Variants in ACOD1 observed in about 807,000 individuals in gnomAD.
ACOD1 encodes cis-aconitate decarboxylase.
A neutral mutation model predicts 14.2 loss-of-function variants in ACOD1; 14 were observed. That is an observed-to-expected ratio of 0.99 (90% confidence interval 0.65 to 1.54). The LOEUF (loss-of-function observed/expected upper bound fraction) is 1.54, where lower values mean the gene tolerates loss of function less well. Ranked by LOEUF, ACOD1 falls within the 40% of genes most tolerant of loss-of-function variation. The probability of loss-of-function intolerance (pLI) is 0.00; values close to 1 mark genes in which losing one functional copy is unlikely to be tolerated. For missense variants in ACOD1, 530 were observed against 586.3 expected, an observed-to-expected ratio of 0.90 and a Z score of 0.99; for synonymous variants, 182 against 221.7, an observed-to-expected ratio of 0.82 and a Z score of 1.59.
intron 3 of ACOD1, 140 bp downstream of exon 3, chr13:76,953,829 TCTC>T: frequency 1.7e-6 from 1 of 600,052 alleles, no homozygotes; most frequent in Non-Finnish European, 3.0e-6. Flanking sequence ...GCTTACCCTC[TCTC>T]CTATGTAGTA....
chr13:76,955,110 G>A (rs1373721493), intron 3 of ACOD1, among the ~76,000 whole-genome samples: 4 of 118,524 alleles, frequency 3.4e-5, no homozygotes, highest in Non-Finnish European at 4.7e-5. Context: ...CTAGGTGACA[G>A]AGCAAGACTC....
At position 76,957,572 on chromosome 13, in the gene ACOD1, G is replaced by T; in HGVS notation, c.1033G>T (p.Gly345Cys). 6.4e-7 allele frequency: 1 copy of T among 1,550,614 alleles called. No homozygotes were observed. Among genetic ancestry groups the T allele is most frequent in the African/African-American group, 1.4e-5 (1 of 73,162 alleles). The change falls in exon 5 of 5, where the codon GGT (glycine) becomes TGT (cysteine). Residue 345 changes from glycine to cysteine, a missense_variant. Physicochemically the swap from Gly to Cys is radical, Grantham distance 159. Coordinates refer to ENST00000377462, the MANE Select transcript of ACOD1 (RefSeq NM_001258406.2). ...TGTGGCCTGTGCCATGCTGCTTGAT[G>T]GTGGCATCACTGTCCCCTCATTCCA... Reference protein sequence around the residue: ...QYVACAMLLDGGITVPSFHEC... With the variant: ...QYVACAMLLDCGITVPSFHEC...
chr13:76,953,570 C>T (rs1237296816), intron 2 of ACOD1, 30 bp from the exon 3 acceptor site: 20 of 1,292,372 alleles, frequency 1.5e-5, no homozygotes, highest in Non-Finnish European at 2.1e-5. Context: ...TGTATTCACA[C>T]TATCACTGGT....
At chr13:76,954,999 C>T (rs1256402407) in intron 3 of ACOD1, among the ~76,000 whole-genome samples, 1 of 151,202 alleles carries the variant, frequency 6.6e-6, no homozygotes, top group Non-Finnish European at 1.5e-5. Flanking sequence ...CGGTGGTGGG[C>T]ACCTGTTATC....
chr13:76,952,419 G>A (rs2137745755), intron 1 of ACOD1, 70 bp from the exon 2 acceptor site: 5 of 1,359,914 alleles, frequency 3.7e-6, no homozygotes, highest in Non-Finnish European at 4.9e-6. Flanking sequence ...GTGCCTCAAG[G>A]TGTCTTATAG....
Position 76,957,420 on chromosome 13 carries a change from T to C in ACOD1, c.881T>C (p.Leu294Pro). 2 of 1,550,648 alleles carry C rather than the reference T, an allele frequency of 1.3e-6. No homozygotes were observed. Among genetic ancestry groups the C allele is most frequent in the Non-Finnish European group, 1.7e-6 (2 of 1,146,994 alleles). Residue 294 changes from leucine (L) to proline (P), a missense_variant, in exon 5 of 5, where the codon CTT (leucine) becomes CCT (proline). Coordinates refer to ENST00000377462, the MANE Select transcript of ACOD1 (RefSeq NM_001258406.2). ...ADAAASVRKH[L>P]VAERALLPTD... ...GCAGCTGCATCTGTGAGAAAGCACC[T>C]TGTAGCAGAGAGAGCCCTGCTTCCA...
rs1275651409 is a variant in ACOD1 at position 76,958,007 on chromosome 13, CTT to C, written c.*24_*25del. 1 of 1,478,110 alleles carries C rather than the reference CTT, an allele frequency of 6.8e-7. No homozygotes were observed. The highest frequency in any genetic ancestry group is 1.4e-5 in the African/African-American group (1 of 70,400). The allele number at this position is 1,478,110 out of a possible 1,614,324, so 91.6% of individuals were successfully genotyped here. On this transcript the variant is annotated 3_prime_UTR_variant, in exon 5 of 5. Coordinates refer to ENST00000377462, the MANE Select transcript of ACOD1 (RefSeq NM_001258406.2). ...CTGAGGCTTACCAACATCTAAATGACTTTGCATTTGGGGAGATTCAATGATTT... is the reference window on the plus strand; with the variant it reads ...CTGAGGCTTACCAACATCTAAATGACTGCATTTGGGGAGATTCAATGATTT...
intron 3 of ACOD1, 58 bp downstream of exon 3, chr13:76,953,747 G>C: frequency 1.8e-6 from 2 of 1,090,120 alleles, no homozygotes; most frequent in South Asian, 1.4e-5. Flanking sequence ...TTTAGAGTCA[G>C]GAAATATCTC....
chr13:76,955,195 A>G, intron 3 of ACOD1, 124 bp from the exon 4 acceptor site: 1 of 648,508 alleles, frequency 1.5e-6, no homozygotes, highest in South Asian at 2.4e-5. Flanking sequence ...TTTTCTGAGA[A>G]TCAGATCAAA....
intron 1 of ACOD1, among the ~76,000 whole-genome samples, chr13:76,950,565 C>T (rs1425677060): frequency 2.0e-5 from 3 of 152,166 alleles, no homozygotes; most frequent in South Asian, 2.1e-4. Flanking sequence ...GGGATGAACA[C>T]AGACACTTCA....
intron 1 of ACOD1, among the ~76,000 whole-genome samples, chr13:76,950,175 C>A (rs1431894519): frequency 6.6e-6 from 1 of 152,182 alleles, no homozygotes; most frequent in Non-Finnish European, 1.5e-5. Context: ...AGCTCAGTAT[C>A]AAAGAACCCC....
intron 1 of ACOD1, among the ~76,000 whole-genome samples, chr13:76,950,918 C>T (rs761482300): frequency 1.3e-5 from 2 of 152,162 alleles, no homozygotes; most frequent in African/African-American, 4.8e-5. Context: ...GCATGCAACT[C>T]CACAGCTGAA....
chr13:76,955,201 T>A, intron 3 of ACOD1, 118 bp from the exon 4 acceptor site: 1 of 606,786 alleles, frequency 1.6e-6, no homozygotes, highest in Non-Finnish European at 2.7e-6. Flanking sequence ...GAGAATCAGA[T>A]CAAAAGAATC....
intron 4 of ACOD1, 33 bp from the exon 5 acceptor site, chr13:76,956,977 G>A: frequency 6.6e-7 from 1 of 1,521,486 alleles, no homozygotes; most frequent in Non-Finnish European, 8.8e-7. Context: ...GTTACGGTTT[G>A]TACATCTCCA....
chr13:76,957,031 A>T lies in ACOD1; in HGVS notation c.492A>T (p.Val164=), dbSNP rs2033883323. The T allele has an allele frequency of 1.3e-6, 2 of 1,548,764 alleles. No homozygotes were observed. Among genetic ancestry groups the T allele is most frequent in the South Asian group, 2.4e-5 (2 of 83,840 alleles). ...TCAGATTCCATCCCCCTTCCGTGGT[A>T]GGAACGTTGGGTAGTGCTGCTGCTG... ...MPKRFHPPSV[V]GTLGSAAAAS... The change falls in exon 5 of 5, where the codon GTA becomes GTT. Residue 164 remains valine, a synonymous_variant. Transcript: ENST00000377462.
intron 1 of ACOD1, among the ~76,000 whole-genome samples, chr13:76,950,508 T>C (rs2033811796): frequency 6.6e-6 from 1 of 152,186 alleles, no homozygotes; most frequent in Non-Finnish European, 1.5e-5. Flanking sequence ...ATCTTACATG[T>C]TTTTCTTATC....
At position 76,948,587 on chromosome 13, in the gene ACOD1, T is replaced by A; in HGVS notation, c.12+17T>A. 6.6e-7 allele frequency: 1 copy of A among 1,508,402 alleles called. No individual in the cohort carries two copies. The highest frequency in any genetic ancestry group is 1.4e-5 in the African/African-American group (1 of 72,064). The allele number at this position is 1,508,402 out of a possible 1,614,324, so 93.4% of individuals were successfully genotyped here. On this transcript the variant is annotated intron_variant, in intron 1 of 4. Coordinates refer to ENST00000377462, the MANE Select transcript of ACOD1 (RefSeq NM_001258406.2). Reference sequence around the variant, plus strand: ...ATGCTCAAGGTATTGTAGCATTTTATGTGACTTACTTAAATTGCTTTTCTA... The same window carrying A: ...ATGCTCAAGGTATTGTAGCATTTTAAGTGACTTACTTAAATTGCTTTTCTA...
chr13:76,949,192 G>T (rs916428979), intron 1 of ACOD1, among the ~76,000 whole-genome samples: 1 of 152,092 alleles, frequency 6.6e-6, no homozygotes, highest in Admixed American at 6.5e-5. Context: ...GCGTGAACCC[G>T]GGAGGTGGAG....
chr13:76,957,935 G>A lies in ACOD1; in HGVS notation c.1396G>A (p.Val466Ile). ...TLLKGPSPPE[V>I]ASNSPACNNS... is the part of the protein sequence containing the mutation. ...TCTCAAAGGACCCTCTCCACCAGAGGTAGCTTCAAACTCTCCAGCATGTAA... is the reference window on the plus strand; with the variant it reads ...TCTCAAAGGACCCTCTCCACCAGAGATAGCTTCAAACTCTCCAGCATGTAA... The change falls in exon 5 of 5, where the codon GTA becomes ATA. Residue 466 changes from valine to isoleucine, a missense_variant. Physicochemically the swap from Val to Ile is conservative, Grantham distance 29. Coordinates refer to ENST00000377462, the MANE Select transcript of ACOD1 (RefSeq NM_001258406.2). The A allele has an allele frequency of 6.5e-7, 1 of 1,547,956 alleles. No individual in the cohort carries two copies. The highest frequency in any genetic ancestry group is 8.7e-7 in the Non-Finnish European group (1 of 1,146,184).
Sources: gnomAD v4.1 joint callset for allele counts (sites outside exome capture counted in the v4.1 genomes callset) on GRCh38, gnomAD v4.1.1 for gene constraint, MANE v1.5 for transcripts, NCBI Gene and HGNC (gene_info 2026-07-23, HGNC 2026-07-21) for gene names.